DIAPH3: variants seen among roughly 807,000 people sequenced by gnomAD.
DIAPH3 encodes the protein protein diaphanous homolog 3.
Under a neutral mutation model 144.3 loss-of-function variants are expected in DIAPH3, and 117 were observed. That is an observed-to-expected ratio of 0.81 (90% CI 0.70 to 0.95). The LOEUF is 0.95. Ranked by LOEUF, DIAPH3 falls within the 40% of genes least tolerant of loss-of-function variation. The probability of loss-of-function intolerance (pLI) is 0.00; values close to 1 mark genes in which losing one functional copy is unlikely to be tolerated. For synonymous variants in DIAPH3, 519 were observed against 488.9 expected (o/e 1.06, Z -0.81); for missense variants, 1,421 against 1,412.7 (o/e 1.01, Z -0.09).
intron 24 of DIAPH3, among the ~76,000 whole-genome samples, chr13:59,812,070 T>C (rs528843362): frequency 1.8e-4 from 27 of 152,168 alleles, no homozygotes; most frequent in Non-Finnish European, 3.4e-4. Context: ...AACAAGTAGG[T>C]GGCTTATGTT....
intron 25 of DIAPH3, among the ~76,000 whole-genome samples, chr13:59,779,377 C>CTAAGTGATATACAATATATCACTTGTATA (rs2038607079): frequency 6.6e-6 from 1 of 152,174 alleles, no homozygotes; most frequent in African/African-American, 2.4e-5. Context: ...TGATAAATTG[C>CTAAGTGATATACAATATATCACTTGTATA]TAAGTGATAT....
At chr13:60,019,507 T>C (rs1032751380) in intron 5 of DIAPH3, among the ~76,000 whole-genome samples, 2 of 152,004 alleles carry the variant, frequency 1.3e-5, no homozygotes, top group Non-Finnish European at 2.9e-5. Context: ...TCTAATTGCT[T>C]CAAGGAAAAC....
chr13:59,990,751 C>T (rs1238478496), intron 12 of DIAPH3, among the ~76,000 whole-genome samples: 3 of 151,894 alleles, frequency 2.0e-5, no homozygotes, highest in Admixed American at 2.0e-4. Context: ...ACATTAAACG[C>T]AACTGTATTA....
intron 17 of DIAPH3, among the ~76,000 whole-genome samples, chr13:59,958,087 G>A (rs1437495967): frequency 6.6e-6 from 1 of 152,156 alleles, no homozygotes; most frequent in Non-Finnish European, 1.5e-5. Flanking sequence ...TATTTTGTGT[G>A]AAATGTCGCT....
chr13:60,006,881 T>C (rs2052904758), intron 9 of DIAPH3, among the ~76,000 whole-genome samples: 1 of 152,130 alleles, frequency 6.6e-6, no homozygotes, highest in South Asian at 2.1e-4. Context: ...AGGGGCTCTC[T>C]TACAGAGGTT....
intron 4 of DIAPH3, among the ~76,000 whole-genome samples, chr13:60,071,664 G>GC (rs2057212060): frequency 6.6e-6 from 1 of 151,876 alleles, no homozygotes; most frequent in South Asian, 2.1e-4. Flanking sequence ...ACATAACTTT[G>GC]CCCCTTACTT....
intron 22 of DIAPH3, among the ~76,000 whole-genome samples, chr13:59,851,768 A>G (rs772818461): frequency 6.6e-6 from 1 of 151,228 alleles, no homozygotes; most frequent in African/African-American, 2.4e-5. Flanking sequence ...TATTACACAC[A>G]TGCACCACCA....
intron 17 of DIAPH3, among the ~76,000 whole-genome samples, chr13:59,966,433 C>T (rs916410433): frequency 9.9e-5 from 15 of 151,828 alleles, no homozygotes; most frequent in Admixed American, 3.9e-4. Context: ...AAGATCTCAG[C>T]TGAGATACAC....
In DIAPH3 at chr13:60,093,716, T is replaced by C. The variant is rs1422541252; in HGVS notation, c.407A>G (p.Asn136Ser). 8 of 1,611,074 alleles carry C rather than the reference T, an allele frequency of 5.0e-6. No homozygotes were observed. The African/African-American group carries it at 1.1e-4, about 22-fold the overall frequency. Reference sequence around the variant, plus strand: ...CCGCAATGGTGCCTTTTTATCTTCATTTAAATTCATATCTTCCTGGAAAAC... The same window carrying C: ...CCGCAATGGTGCCTTTTTATCTTCACTTAAATTCATATCTTCCTGGAAAAC... ...FEKMMEDMNL[N>S]EDKKAPLREK... is the part of the protein sequence containing the mutation. The change falls in exon 4 of 28, where the codon AAT (asparagine) becomes AGT (serine). Residue 136 changes from asparagine (N) to serine (S), a missense_variant. Asn to Ser is a conservative substitution (Grantham distance 46). Transcript: ENST00000400324.
intron 21 of DIAPH3, among the ~76,000 whole-genome samples, chr13:59,866,101 T>C (rs2139966958): frequency 6.6e-6 from 1 of 152,030 alleles, no homozygotes; most frequent in African/African-American, 2.4e-5. Flanking sequence ...CCATTACCAT[T>C]TTAGAAGAAT....
chr13:59,701,150 C>T (rs2034090966), intron 27 of DIAPH3, among the ~76,000 whole-genome samples: 1 of 152,164 alleles, frequency 6.6e-6, no homozygotes, highest in East Asian at 1.9e-4. Flanking sequence ...TGATCTTATC[C>T]TTCTGTTAAT....
intron 1 of DIAPH3, among the ~76,000 whole-genome samples, chr13:60,163,234 A>G (rs1952385646): frequency 6.6e-6 from 1 of 152,232 alleles, no homozygotes; most frequent in African/African-American, 2.4e-5. Flanking sequence ...TAAGCAGAAA[A>G]AAAACCTGTC....
intron 4 of DIAPH3, among the ~76,000 whole-genome samples, chr13:60,068,463 T>C (rs1052540939): frequency 1.3e-5 from 2 of 152,204 alleles, no homozygotes; most frequent in African/African-American, 4.8e-5. Flanking sequence ...CATTGACTTT[T>C]CAGATCCTTA....
At chr13:59,732,489 G>C (rs1184853355) in intron 27 of DIAPH3, among the ~76,000 whole-genome samples, 1 of 151,394 alleles carries the variant, frequency 6.6e-6, no homozygotes, top group Non-Finnish European at 1.5e-5. Context: ...CATCACCCAG[G>C]CTGGAGTGCA....
chr13:59,832,641 G>A (rs1734827506), intron 24 of DIAPH3, among the ~76,000 whole-genome samples: 1 of 151,694 alleles, frequency 6.6e-6, no homozygotes, highest in African/African-American at 2.4e-5. Context: ...CCCTATTAAA[G>A]TATCCTAAAG....
chr13:59,904,544 C>A (rs1249987571), intron 20 of DIAPH3, among the ~76,000 whole-genome samples: 5 of 152,058 alleles, frequency 3.3e-5, no homozygotes, highest in African/African-American at 1.2e-4. Context: ...ATTTCATTCT[C>A]CATTTTACAT....
At chr13:59,939,842 G>A (rs535625719) in intron 17 of DIAPH3, among the ~76,000 whole-genome samples, 5 of 89,286 alleles carry the variant, frequency 5.6e-5, no homozygotes, top group Admixed American at 3.3e-4. Context: ...AGGCGTGTGT[G>A]TGTGTGTGTG....
At chr13:59,866,379 A>T (rs1384231498) in intron 21 of DIAPH3, among the ~76,000 whole-genome samples, 1 of 152,104 alleles carries the variant, frequency 6.6e-6, no homozygotes, top group African/African-American at 2.4e-5. Flanking sequence ...TATAAAATAT[A>T]GTTCCTTTAC....
chr13:59,855,606 T>C (rs925244500), intron 22 of DIAPH3, among the ~76,000 whole-genome samples: 5 of 151,932 alleles, frequency 3.3e-5, no homozygotes, highest in African/African-American at 4.8e-5. Context: ...ATTAGTTCCC[T>C]GAGACATAAA....
Sources: allele counts gnomAD v4.1 joint callset (sites outside exome capture counted in the v4.1 genomes callset), GRCh38; gene constraint gnomAD v4.1.1; transcripts MANE v1.5; gene names NCBI Gene and HGNC (gene_info 2026-07-23, HGNC 2026-07-21).